Variants in PSD3 observed in about 807,000 individuals in gnomAD.
The protein encoded by PSD3 is pleckstrin and Sec7 domain containing 3.
Under a neutral mutation model 105.5 loss-of-function variants are expected in PSD3, and 49 were observed. That is an observed-to-expected ratio of 0.46 (90% confidence interval 0.37 to 0.59). The LOEUF (loss-of-function observed/expected upper bound fraction) is 0.59, where lower values mean the gene tolerates loss of function less well. Ranked by LOEUF, PSD3 falls within the 20% of genes least tolerant of loss-of-function variation. PSD3 has a pLI of 0.00. For missense variants in PSD3, 1,561 were observed against 1,263.8 expected, an observed-to-expected ratio of 1.24 and a Z score of -3.57; for synonymous variants, 557 against 457.8, an observed-to-expected ratio of 1.22 and a Z score of -2.77.
chr8:19,005,334 A>G (rs1436522363), intron 1 of PSD3, among the ~76,000 whole-genome samples: 1 of 152,082 alleles, frequency 6.6e-6, no homozygotes, highest in Non-Finnish European at 1.5e-5. Flanking sequence ...AAAGCCAGCT[A>G]CAAAAGGCCA....
chr8:18,775,068 T>C (rs1254471636), intron 8 of PSD3: 3 of 413,722 alleles, frequency 7.3e-6, no homozygotes, highest in African/African-American at 4.1e-5. Context: ...CTTCATGAAA[T>C]CTACTTTTTA....
At chr8:18,897,080 T>C (rs1819200735) in intron 2 of PSD3, among the ~76,000 whole-genome samples, 1 of 152,212 alleles carries the variant, frequency 6.6e-6, no homozygotes, top group Non-Finnish European at 1.5e-5. Context: ...GTGCTGGGAT[T>C]ACAGGCGTGA....
At chr8:18,676,295 T>C (rs1350216482) in intron 9 of PSD3, among the ~76,000 whole-genome samples, 1 of 152,178 alleles carries the variant, frequency 6.6e-6, no homozygotes, top group Non-Finnish European at 1.5e-5. Context: ...TACAGTCTAC[T>C]CATAAATGGA....
chr8:18,791,948 G>A (rs145103676), intron 8 of PSD3, among the ~76,000 whole-genome samples: 41 of 152,134 alleles, frequency 2.7e-4, no homozygotes, highest in East Asian at 5.8e-4. Context: ...ACATATATGC[G>A]GCCAAGAAAC....
At chr8:18,572,203 C>T (rs533744401) in intron 14 of PSD3, among the ~76,000 whole-genome samples, 1 of 152,094 alleles carries the variant, frequency 6.6e-6, no homozygotes, top group African/African-American at 2.4e-5. Context: ...TAAATGAATG[C>T]AAGAAAAGCT....
chr8:18,567,118 T>C (rs1801826409), intron 14 of PSD3, among the ~76,000 whole-genome samples: 1 of 152,226 alleles, frequency 6.6e-6, no homozygotes. Flanking sequence ...CTTCCATGAA[T>C]GACATGCTTA....
At chr8:18,585,864 T>A (rs1267457191) in intron 12 of PSD3, among the ~76,000 whole-genome samples, 1 of 152,152 alleles carries the variant, frequency 6.6e-6, no homozygotes, top group Non-Finnish European at 1.5e-5. Context: ...AATCAGCAAT[T>A]AGTTAAGTGA....
At position 18,646,800 on chromosome 8, in the gene PSD3, A is replaced by G. The variant is rs1393155818; in HGVS notation, c.2216+8842T>C. 3.5e-4 allele frequency among the ~76,000 whole-genome samples: 54 copies of G among 152,178 alleles called. 1 individual carries two copies. The highest frequency in any genetic ancestry group is 1.0e-4 in the Non-Finnish European group (7 of 68,022). ...TAATACCTAAAATGAAATGAGAATCAATGCTGAGTTAAGTAAAATATGATA... is the reference window on the plus strand; with the variant it reads ...TAATACCTAAAATGAAATGAGAATCGATGCTGAGTTAAGTAAAATATGATA... On this transcript the variant is annotated intron_variant, in intron 10 of 15. Coordinates refer to ENST00000327040, the MANE Select transcript of PSD3 (RefSeq NM_015310.4).
At chr8:18,889,716 A>ACTG (rs1345549094) in intron 2 of PSD3, among the ~76,000 whole-genome samples, 1 of 152,172 alleles carries the variant, frequency 6.6e-6, no homozygotes, top group African/African-American at 2.4e-5. Context: ...AAGGATCTGT[A>ACTG]AGCATAAACC....
chr8:18,681,089 G>T (rs977837501), intron 9 of PSD3, among the ~76,000 whole-genome samples: 1 of 152,140 alleles, frequency 6.6e-6, no homozygotes, highest in African/African-American at 2.4e-5. Context: ...ACAAGGAGAA[G>T]CAATTATTAC....
At position 18,907,322 on chromosome 8, in the gene PSD3, T is replaced by C. The variant is rs180897406; in HGVS notation, c.130+28712A>G. ...CTATATGATGGTACAATTTTTTGTC[T>C]TTTCATTGTTTCATTTTATTTATTT... On this transcript the variant is annotated intron_variant, in intron 2 of 15. Coordinates refer to ENST00000327040, the MANE Select transcript of PSD3 (RefSeq NM_015310.4). Among the ~76,000 whole-genome samples the C allele has an allele frequency of 4.3e-3, 658 of 152,200 alleles. 3 individuals carry two copies. The highest frequency in any genetic ancestry group is 0.014 in the African/African-American group (589 of 41,530).
chr8:18,668,186 GC>G (rs1472358916), intron 9 of PSD3, among the ~76,000 whole-genome samples: 1 of 152,240 alleles, frequency 6.6e-6, no homozygotes, highest in East Asian at 1.9e-4. Flanking sequence ...GGGCAGAGAG[GC>G]CGAGGGGTTG....
At chr8:18,629,748 T>C (rs979329832) in intron 11 of PSD3, among the ~76,000 whole-genome samples, 2 of 152,006 alleles carry the variant, frequency 1.3e-5, no homozygotes, top group Non-Finnish European at 2.9e-5. Context: ...GTTAAACTTT[T>C]CTGGGTAATG....
chr8:18,570,549 A>T (rs1426497136), intron 14 of PSD3, among the ~76,000 whole-genome samples: 1 of 149,824 alleles, frequency 6.7e-6, no homozygotes, highest in Non-Finnish European at 1.5e-5. Context: ...AAAATGGGAG[A>T]AAATTTTCGC....
intron 15 of PSD3, among the ~76,000 whole-genome samples, chr8:18,549,132 A>G (rs1300757340): frequency 6.6e-6 from 1 of 151,372 alleles, no homozygotes; most frequent in Admixed American, 6.6e-5. Context: ...TGACATAGAT[A>G]AAGTGAAACT....
chr8:18,586,316 T>A (rs1172445097), intron 12 of PSD3, among the ~76,000 whole-genome samples: 1 of 152,200 alleles, frequency 6.6e-6, no homozygotes, highest in African/African-American at 2.4e-5. Flanking sequence ...TTCCTTCTGA[T>A]GACTATTGTG....
chr8:18,967,902 C>A (rs528694720), intron 1 of PSD3, among the ~76,000 whole-genome samples: 1 of 152,270 alleles, frequency 6.6e-6, no homozygotes, highest in African/African-American at 2.4e-5. Context: ...ATCGAGGGCC[C>A]ATTCACATAT....
At chr8:18,819,371 G>C (rs769229648) in intron 4 of PSD3, among the ~76,000 whole-genome samples, 5 of 152,088 alleles carry the variant, frequency 3.3e-5, no homozygotes, top group Non-Finnish European at 5.9e-5. Context: ...GAGCCTTCAT[G>C]AAGGGAGGGG....
At chr8:18,798,779 A>G (rs778198867) in intron 8 of PSD3, among the ~76,000 whole-genome samples, 31 of 152,276 alleles carry the variant, frequency 2.0e-4, no homozygotes, top group Non-Finnish European at 4.0e-4. Context: ...TTTATATATA[A>G]TTATACATTT....
Sources: allele counts gnomAD v4.1 joint callset (sites outside exome capture counted in the v4.1 genomes callset), GRCh38; gene constraint gnomAD v4.1.1; transcripts MANE v1.5; gene names NCBI Gene and HGNC (gene_info 2026-07-23, HGNC 2026-07-21).